The following C19orf47 variants were observed in gnomAD, a reference collection of about 807,000 sequenced individuals.
The protein encoded by C19orf47 is uncharacterized protein C19orf47.
A neutral mutation model predicts 32.3 loss-of-function variants in C19orf47; 18 were observed. That is an observed-to-expected ratio of 0.56 (90% CI 0.39 to 0.83). The LOEUF (loss-of-function observed/expected upper bound fraction) is 0.83, where lower values mean the gene tolerates loss of function less well. Ranked by LOEUF, C19orf47 falls within the 40% of genes least tolerant of loss-of-function variation. The pLI is 0.00. For synonymous variants in C19orf47, 202 were observed against 211.1 expected (o/e 0.96, Z 0.37); for missense variants, 484 against 531.6 (o/e 0.91, Z 0.88).
intron 1 of C19orf47, among the ~76,000 whole-genome samples, chr19:40,345,201 C>T (rs1276553357): frequency 6.6e-6 from 1 of 152,132 alleles, no homozygotes; most frequent in Non-Finnish European, 1.5e-5. Flanking sequence ...AAGCCCATCT[C>T]CAGCACTGAC....
At chr19:40,324,318 A>C (rs1027688631) in intron 7 of C19orf47, 12 of 574,832 alleles carry the variant, frequency 2.1e-5, no homozygotes, top group Non-Finnish European at 3.4e-5. Context: ...CCTCAGCACT[A>C]GCTCATGAAC....
the C19orf47 span, among the ~76,000 whole-genome samples, chr19:40,307,005 G>T: frequency 4.0e-5 from 6 of 150,484 alleles, no homozygotes; most frequent in Non-Finnish European, 2.9e-5. Flanking sequence ...TAGCCAGGAT[G>T]GTCTTGATCT....
chr19:40,343,364 A>G (rs1444567894), intron 1 of C19orf47: 1 of 152,276 alleles, frequency 6.6e-6, no homozygotes, highest in Non-Finnish European at 1.5e-5. Context: ...CAGACTGTAC[A>G]GTTCAAATCC....
intron 5 of C19orf47, among the ~76,000 whole-genome samples, chr19:40,333,299 AAATAAAT>A (rs2077994027): frequency 5.3e-5 from 8 of 150,696 alleles, no homozygotes; most frequent in African/African-American, 2.0e-4. Flanking sequence ...ATAAATAAAT[AAATAAAT>A]AAAATGGCCC....
At chr19:40,317,548 G>A (rs1213221522), downstream of C19orf47, among the ~76,000 whole-genome samples, 1 of 152,094 alleles carries the variant, frequency 6.6e-6, no homozygotes, top group Non-Finnish European at 1.5e-5. Flanking sequence ...TAACGGGTGG[G>A]CCACTGTGAC....
the C19orf47 span, among the ~76,000 whole-genome samples, chr19:40,293,388 C>T: frequency 1.3e-5 from 2 of 151,952 alleles, no homozygotes; most frequent in African/African-American, 4.8e-5. Context: ...TCAAGTGATC[C>T]GCCCGCCTCA....
Position 40,329,515 on chromosome 19 carries a change from G to T in C19orf47, c.302-965C>A, listed in dbSNP as rs549567985. Among the ~76,000 whole-genome samples, 5 of 152,044 alleles carry T rather than the reference G, an allele frequency of 3.3e-5. No individual in the cohort carries two copies. In the South Asian group the frequency reaches 1.0e-3, roughly 32 times the overall value. ...AGTGAAACCCAGTCTCAAAAACAGG[G>T]GGGAAAAAGAAAGAAAACTACATTA... On this transcript the variant is annotated intron_variant, in intron 5 of 8. Coordinates refer to ENST00000683109, the MANE Select transcript of C19orf47 (RefSeq NM_001256441.2).
upstream of C19orf47, chr19:40,348,527 C>T (rs1285282126): frequency 2.7e-6 from 4 of 1,475,414 alleles, no homozygotes; most frequent in African/African-American, 5.8e-5. Context: ...CGTGACCGCC[C>T]ACCGACACCA....
chr19:40,327,916 T>C (rs1177046018), intron 6 of C19orf47, among the ~76,000 whole-genome samples: 4 of 152,100 alleles, frequency 2.6e-5, no homozygotes, highest in Non-Finnish European at 4.4e-5. Flanking sequence ...CTACAGACCA[T>C]GTGGGGAAGA....
At chr19:40,338,031 T>A (rs8102720) in intron 2 of C19orf47, among the ~76,000 whole-genome samples, 43,175 of 151,874 alleles carry the variant, frequency 0.28, 6,987 homozygotes, top group African/African-American at 0.44. Flanking sequence ...AGAAAGTAGA[T>A]TAGTGGTTGC....
the C19orf47 span, among the ~76,000 whole-genome samples, chr19:40,310,681 C>A: frequency 1.4e-4 from 22 of 152,070 alleles, no homozygotes; most frequent in Admixed American, 4.6e-4. Flanking sequence ...AAACAATCTC[C>A]AAGGTATATT....
At chr19:40,341,001 C>T (rs1381375994) in intron 2 of C19orf47, among the ~76,000 whole-genome samples, 1 of 133,426 alleles carries the variant, frequency 7.5e-6, no homozygotes, top group Non-Finnish European at 1.6e-5. Context: ...AAAGGATATA[C>T]TCAGATTTTG....
upstream of C19orf47, chr19:40,348,453 G>C: frequency 1.3e-6 from 2 of 1,501,902 alleles, no homozygotes; most frequent in Non-Finnish European, 1.8e-6. Context: ...AAGCTGAACT[G>C]ACTCGTCCGC....
At chr19:40,338,017 A>G (rs978013517) in intron 2 of C19orf47, among the ~76,000 whole-genome samples, 2 of 152,118 alleles carry the variant, frequency 1.3e-5, no homozygotes, top group Admixed American at 6.6e-5. Context: ...AGGCAAATCT[A>G]AAGAGAAAGT....
intron 1 of C19orf47, 26 bp downstream of exon 1, chr19:40,348,298 C>A: frequency 2.3e-6 from 3 of 1,324,724 alleles, no homozygotes; most frequent in South Asian, 3.6e-5. Flanking sequence ...CCGGCCCAGT[C>A]CCACCACCCC....
chr19:40,314,055 G>A, the C19orf47 span, among the ~76,000 whole-genome samples: 1 of 152,162 alleles, frequency 6.6e-6, no homozygotes, highest in Non-Finnish European at 1.5e-5. Flanking sequence ...TGGAAAAATG[G>A]TTGGCTCCAG....
chr19:40,341,591 G>A (rs938141617), intron 2 of C19orf47, among the ~76,000 whole-genome samples: 5 of 152,112 alleles, frequency 3.3e-5, no homozygotes, highest in Admixed American at 6.5e-5. Context: ...GTGAGGCCAC[G>A]TGGGAGACCT....
chr19:40,294,177 A>G, the C19orf47 span, among the ~76,000 whole-genome samples: 3 of 152,218 alleles, frequency 2.0e-5, no homozygotes, highest in Non-Finnish European at 4.4e-5. Context: ...CTGGTGCCCA[A>G]CGTGGGGCAT....
chr19:40,338,298 T>A (rs2078108277), intron 2 of C19orf47, among the ~76,000 whole-genome samples: 1 of 135,632 alleles, frequency 7.4e-6, no homozygotes, highest in Non-Finnish European at 1.6e-5. Flanking sequence ...CACAAATATA[T>A]ATATATACAC....
Sources: gnomAD v4.1 joint callset for allele counts (sites outside exome capture counted in the v4.1 genomes callset) on GRCh38, gnomAD v4.1.1 for gene constraint, MANE v1.5 for transcripts, NCBI Gene and HGNC (gene_info 2026-07-23, HGNC 2026-07-21) for gene names.